The following PIK3C2G variants were observed in gnomAD, a reference collection of about 807,000 sequenced individuals.
The protein encoded by PIK3C2G is phosphatidylinositol-4-phosphate 3-kinase catalytic subunit type 2 gamma.
In PIK3C2G, 168 loss-of-function variants were observed where a neutral mutation model predicts 181.1. The ratio of observed to expected loss-of-function variants is 0.93; its 90% CI spans 0.82 to 1.05. The LOEUF (loss-of-function observed/expected upper bound fraction) is 1.05. PIK3C2G is among the 50% of genes least tolerant of loss of function. The pLI, the probability that PIK3C2G is intolerant of heterozygous loss-of-function variation, is 0.00. For synonymous variants in PIK3C2G, 573 were observed against 592.2 expected, an observed-to-expected ratio of 0.97 and a Z score of 0.47; for missense variants, 1,869 against 1,732.8, an observed-to-expected ratio of 1.08 and a Z score of -1.40.
intron 20 of PIK3C2G, among the ~76,000 whole-genome samples, chr12:18,492,107 C>T (rs927231995): frequency 6.6e-6 from 1 of 152,220 alleles, no homozygotes; most frequent in Non-Finnish European, 1.5e-5. Context: ...TCCTAATCCT[C>T]TGTCATATGG....
At chr12:18,286,722 T>C in intron 2 of PIK3C2G, 125 bp from the exon 3 acceptor site, 1 of 576,612 alleles carries the variant, frequency 1.7e-6, no homozygotes, top group Non-Finnish European at 3.0e-6. Context: ...TACTTCAATT[T>C]TTAAAAAATC....
At chr12:18,357,682 A>T (rs1344336966) in intron 11 of PIK3C2G, among the ~76,000 whole-genome samples, 2 of 152,214 alleles carry the variant, frequency 1.3e-5, no homozygotes, top group African/African-American at 4.8e-5. Flanking sequence ...CTACTAAAAA[A>T]GTTTAATTGT....
intron 31 of PIK3C2G, among the ~76,000 whole-genome samples, chr12:18,629,545 A>C (rs1949256561): frequency 6.6e-6 from 1 of 152,182 alleles, no homozygotes; most frequent in South Asian, 2.1e-4. Flanking sequence ...TCTGGGACTA[A>C]GTTTGAATAA....
intron 18 of PIK3C2G, among the ~76,000 whole-genome samples, chr12:18,480,122 G>A (rs1455708150): frequency 1.1e-4 from 16 of 152,050 alleles, no homozygotes; most frequent in South Asian, 4.2e-4. Context: ...CAAAATGAGC[G>A]AAAAGGGAGG....
downstream of PIK3C2G, among the ~76,000 whole-genome samples, chr12:18,650,347 A>ATATATATATG (rs1349566559): frequency 5.2e-5 from 6 of 114,542 alleles, no homozygotes; most frequent in African/African-American, 9.9e-5. Context: ...ATATATATAT[A>ATATATATATG]TGTGTGTGTG....
In PIK3C2G at chr12:18,381,949, T is replaced by A. The variant is rs1174553111; in HGVS notation, c.1995+69T>A. 21 of 931,574 alleles carry A rather than the reference T, an allele frequency of 2.3e-5. No homozygotes were observed. In the Admixed American group the frequency reaches 3.7e-4, roughly 16 times the overall value. The allele number at this position is 931,574 out of a possible 1,614,324, so 57.7% of individuals were successfully genotyped here. On this transcript the variant is annotated intron_variant, in intron 14 of 32. Transcript: ENST00000538779. Reference sequence around the variant, plus strand: ...GGTTGATACGTAGTTTGTTGTCAATTATAGAAACAATTTCTTCCAGGATCA... The same window carrying A: ...GGTTGATACGTAGTTTGTTGTCAATAATAGAAACAATTTCTTCCAGGATCA...
At chr12:18,436,348 A>T (rs1946447363) in intron 18 of PIK3C2G, among the ~76,000 whole-genome samples, 1 of 152,052 alleles carries the variant, frequency 6.6e-6, no homozygotes. Flanking sequence ...CCATCATATG[A>T]CCAGATGGCA....
At chr12:18,656,438 C>A in the PIK3C2G span, among the ~76,000 whole-genome samples, 2 of 152,050 alleles carry the variant, frequency 1.3e-5, no homozygotes, top group East Asian at 3.9e-4. Flanking sequence ...TGGTGGCGGG[C>A]GCCTGTAATC....
intron 24 of PIK3C2G, among the ~76,000 whole-genome samples, chr12:18,522,218 A>G (rs925175389): frequency 3.9e-5 from 6 of 152,182 alleles, no homozygotes; most frequent in Non-Finnish European, 7.4e-5. Flanking sequence ...GTATCTCTTA[A>G]CAATTTACTT....
At chr12:18,650,690 GTGTGTGTGTGTGTGTATATATCTATATA>G (rs1950423189), downstream of PIK3C2G, among the ~76,000 whole-genome samples, 22 of 38,936 alleles carry the variant, frequency 5.7e-4, no homozygotes, top group East Asian at 0.016. Flanking sequence ...GTGTGTGTGT[GTGTGTGTGTGTGTGTATATATCTATATA>G]TATATATATA....
At chr12:18,611,672 TA>T (rs1948346431) in intron 31 of PIK3C2G, among the ~76,000 whole-genome samples, 1 of 152,070 alleles carries the variant, frequency 6.6e-6, no homozygotes, top group African/African-American at 2.4e-5. Flanking sequence ...TTCATCTCAG[TA>T]AATAGCACCT....
intron 1 of PIK3C2G, among the ~76,000 whole-genome samples, chr12:18,264,859 A>C (rs928786610): frequency 9.2e-5 from 14 of 152,164 alleles, no homozygotes; most frequent in African/African-American, 3.4e-4. Context: ...TCTTCTGTAG[A>C]TTGAGATCAG....
chr12:18,569,049 G>C (rs1001802403), intron 29 of PIK3C2G, among the ~76,000 whole-genome samples: 1 of 152,022 alleles, frequency 6.6e-6, no homozygotes, highest in African/African-American at 2.4e-5. Flanking sequence ...GGCAGCTTGT[G>C]TCCCAACCTC....
intron 22 of PIK3C2G, among the ~76,000 whole-genome samples, chr12:18,500,836 G>C (rs1941415374): frequency 6.6e-6 from 1 of 152,108 alleles, no homozygotes; most frequent in East Asian, 1.9e-4. Flanking sequence ...TCCTGCTGCT[G>C]CTCACTCTTT....
At chr12:18,268,205 A>G (rs1011051244) in intron 1 of PIK3C2G, among the ~76,000 whole-genome samples, 1 of 152,118 alleles carries the variant, frequency 6.6e-6, no homozygotes, top group Non-Finnish European at 1.5e-5. Context: ...CTTACATATG[A>G]TAAAAATTTA....
At chr12:18,683,088 AT>A in the PIK3C2G span, 3 of 710,128 alleles carry the variant, frequency 4.2e-6, no homozygotes, top group Admixed American at 8.3e-5. Flanking sequence ...CCACTGATTT[AT>A]TTTTGTATAT....
At chr12:18,325,551 T>C (rs1951302220) in intron 8 of PIK3C2G, among the ~76,000 whole-genome samples, 1 of 151,546 alleles carries the variant, frequency 6.6e-6, no homozygotes, top group Non-Finnish European at 1.5e-5. Flanking sequence ...TACTAAAAAA[T>C]ACAAAAATTA....
intron 22 of PIK3C2G, among the ~76,000 whole-genome samples, chr12:18,500,692 G>T (rs186941557): frequency 3.3e-5 from 5 of 152,068 alleles, no homozygotes; most frequent in Non-Finnish European, 7.4e-5. Context: ...CAGACCACTC[G>T]GCTCTACCAA....
At chr12:18,561,223 G>A (rs1945324998) in intron 26 of PIK3C2G, among the ~76,000 whole-genome samples, 2 of 152,206 alleles carry the variant, frequency 1.3e-5, no homozygotes, top group South Asian at 2.1e-4. Flanking sequence ...AAGAGAAACT[G>A]CAAAGTGTGT....
Sources: allele counts gnomAD v4.1 joint callset (sites outside exome capture counted in the v4.1 genomes callset), GRCh38; gene constraint gnomAD v4.1.1; transcripts MANE v1.5; gene names NCBI Gene and HGNC (gene_info 2026-07-23, HGNC 2026-07-21).